The following MAP2 variants were observed in gnomAD, a reference collection of about 807,000 sequenced individuals.
MAP2 encodes microtubule-associated protein 2.
A neutral mutation model predicts 137.6 loss-of-function variants in MAP2; 14 were observed. That is an observed-to-expected ratio of 0.10 (90% CI 0.07 to 0.16). MAP2 has a LOEUF of 0.16. Among genes scored for constraint, MAP2 ranks in the 10% least tolerant of loss-of-function variants. The probability of loss-of-function intolerance (pLI) is 1.00; values close to 1 mark genes in which losing one functional copy is unlikely to be tolerated. For missense variants in MAP2, 2,088 were observed against 2,191.5 expected (o/e 0.95, Z 0.94); for synonymous variants, 786 against 782.3 (o/e 1.00, Z -0.08).
intron 3 of MAP2, among the ~76,000 whole-genome samples, chr2:209,593,689 A>G (rs2080136272): frequency 2.1e-5 from 2 of 95,550 alleles, no homozygotes; most frequent in African/African-American, 8.1e-5. Flanking sequence ...TATAAAAAAT[A>G]ATATATATTA....
intron 1 of MAP2, among the ~76,000 whole-genome samples, chr2:209,448,573 G>A (rs1699622539): frequency 6.6e-6 from 1 of 152,100 alleles, no homozygotes; most frequent in South Asian, 2.1e-4. Context: ...TAAGGTATTG[G>A]CAGGATGGTG....
At chr2:209,592,712 G>C (rs575774124) in intron 3 of MAP2, among the ~76,000 whole-genome samples, 7 of 152,174 alleles carry the variant, frequency 4.6e-5, no homozygotes, top group Non-Finnish European at 1.0e-4. Flanking sequence ...GTAGGCTTTA[G>C]GAATTTTGTG....
intron 2 of MAP2, among the ~76,000 whole-genome samples, chr2:209,521,689 C>T (rs2063310588): frequency 6.6e-6 from 1 of 152,000 alleles, no homozygotes; most frequent in South Asian, 2.1e-4. Context: ...TCAAAGATAA[C>T]ATCAAAAGCA....
Position 209,507,525 on chromosome 2 carries a change from A to T in MAP2, c.-221-67A>T, listed in dbSNP as rs1396332758. ...CACTTCTGATTTTATCTTCCTCCTT[A>T]GTGAAAGAAAAAGCCAGATTGTTCA... On this transcript the variant is annotated intron_variant, in intron 1 of 15. Coordinates refer to ENST00000682079, the MANE Select transcript of MAP2 (RefSeq NM_001375505.1). The T allele has an allele frequency of 2.0e-5, 3 of 152,118 alleles. No homozygotes were observed. The South Asian group carries it at 6.2e-4, about 31-fold the overall frequency. The allele number at this position is 152,118 out of a possible 1,614,324, so 9.4% of individuals were successfully genotyped here.
In MAP2 at chr2:209,435,179, A is replaced by G. The variant is rs1482721305; in HGVS notation, c.-222+10903A>G. Among the ~76,000 whole-genome samples the G allele has an allele frequency of 2.6e-5, 4 of 151,434 alleles. No homozygotes were observed. In the Admixed American group the frequency reaches 2.6e-4, roughly 10 times the overall value. ...GCTTGTGCTATAGAATATCAAATAT[A>G]CAGCATATTGTTCTCCTCTAGTTGA... On this transcript the variant is annotated intron_variant, in intron 1 of 15. Coordinates refer to ENST00000682079, the MANE Select transcript of MAP2 (RefSeq NM_001375505.1).
At chr2:209,631,184 T>G (rs1213259008) in intron 4 of MAP2, among the ~76,000 whole-genome samples, 1 of 152,044 alleles carries the variant, frequency 6.6e-6, no homozygotes, top group Non-Finnish European at 1.5e-5. Flanking sequence ...ATAAAACTGC[T>G]TATAAGATGC....
intron 4 of MAP2, among the ~76,000 whole-genome samples, chr2:209,649,831 T>C (rs1279239283): frequency 1.3e-5 from 2 of 152,212 alleles, no homozygotes; most frequent in Non-Finnish European, 2.9e-5. Flanking sequence ...TCGTTTTGAT[T>C]TGTTTGTGAT....
At chr2:209,489,866 A>G (rs2058854254) in intron 1 of MAP2, among the ~76,000 whole-genome samples, 1 of 152,192 alleles carries the variant, frequency 6.6e-6, no homozygotes, top group Non-Finnish European at 1.5e-5. Flanking sequence ...TGGAAAACAC[A>G]CTTCAGTATA....
rs760795168 is a variant in MAP2, at chr2:209,693,450, C to T, written c.1280C>T (p.Thr427Ile). 21 of 1,613,968 alleles carry T rather than the reference C, an allele frequency of 1.3e-5. No homozygotes were observed. Among genetic ancestry groups the T allele is most frequent in the Middle Eastern group, 3.3e-4 (2 of 6,062 alleles). ...QETVQQRDTF[T>I]PSGQEPILTE... ...ACTGTGCAGCAAAGGGATACTTTCA[C>T]CCCCAGTGGACAGGAACCTATACTT... Residue 427 changes from threonine (T) to isoleucine (I), a missense_variant, in exon 8 of 16, where the codon ACC becomes ATC. By Grantham distance (89) the Thr-to-Ile change is moderately conservative. Around this residue, in one of 6 missense-constraint regions of MAP2, gnomAD observed 859 missense variants for 794.5 expected, o/e 1.08. Coordinates refer to ENST00000682079, the MANE Select transcript of MAP2 (RefSeq NM_001375505.1).
chr2:209,516,382 G>A (rs2062504988), intron 2 of MAP2, among the ~76,000 whole-genome samples: 2 of 151,956 alleles, frequency 1.3e-5, no homozygotes, highest in African/African-American at 4.8e-5. Context: ...TTAGTGTTCT[G>A]TCAGAAGTAG....
Position 209,695,433 on chromosome 2 carries a change from C to A in MAP2, c.3263C>A (p.Ala1088Glu). The A allele has an allele frequency of 6.2e-7, 1 of 1,613,466 alleles. No homozygotes were observed. Among genetic ancestry groups the A allele is most frequent in the Non-Finnish European group, 8.5e-7 (1 of 1,179,758 alleles). ...CCCTCATCCAAAGCACCGCAGGAGG[C>A]AGATGCATTTATGGGTGTTGAGTCT... ...MTPSSKAPQE[A>E]DAFMGVESGH... The change falls in exon 8 of 16, where the codon GCA (alanine) becomes GAA (glutamate). Residue 1088 changes from alanine to glutamate, a missense_variant. By Grantham distance (107) the Ala-to-Glu change is moderately radical (BLOSUM62 -1). Around this residue, in one of 6 missense-constraint regions of MAP2, gnomAD observed 500 missense variants for 482.9 expected, o/e 1.04. Coordinates refer to ENST00000682079, the MANE Select transcript of MAP2 (RefSeq NM_001375505.1).
intron 3 of MAP2, among the ~76,000 whole-genome samples, chr2:209,591,565 G>C (rs1172635204): frequency 6.6e-6 from 1 of 152,158 alleles, no homozygotes; most frequent in East Asian, 1.9e-4. Flanking sequence ...TTAAGTTAAA[G>C]TAACACCTAC....
intron 5 of MAP2, among the ~76,000 whole-genome samples, chr2:209,659,671 T>C (rs2042486257): frequency 6.6e-6 from 1 of 152,074 alleles, no homozygotes; most frequent in South Asian, 2.1e-4. Flanking sequence ...ATTTTTAAAG[T>C]ATTTAAAATC....
chr2:209,618,823 C>A (rs1196421215), intron 3 of MAP2, among the ~76,000 whole-genome samples: 1 of 152,134 alleles, frequency 6.6e-6, no homozygotes, highest in Non-Finnish European at 1.5e-5. Context: ...AAAGAGATAT[C>A]TACACTCCTA....
intron 4 of MAP2, among the ~76,000 whole-genome samples, chr2:209,630,344 A>G (rs769834555): frequency 5.3e-5 from 8 of 152,124 alleles, no homozygotes; most frequent in Non-Finnish European, 1.0e-4. Context: ...GACTATAGAT[A>G]ACTCTTTACG....
chr2:209,528,777 CATATGTATGTATATATGTACA>C (rs1215145898), intron 2 of MAP2, among the ~76,000 whole-genome samples: 3 of 144,808 alleles, frequency 2.1e-5, no homozygotes, highest in Non-Finnish European at 3.0e-5. Context: ...TGTATATGTA[CATATGTATGTATATATGTACA>C]TGTACATATG....
At chr2:209,524,823 A>G (rs1327210519) in intron 2 of MAP2, among the ~76,000 whole-genome samples, 2 of 152,134 alleles carry the variant, frequency 1.3e-5, no homozygotes, top group Non-Finnish European at 2.9e-5. Context: ...AAAGGGTGTG[A>G]AAAAAGTTAA....
chr2:209,544,572 T>G (rs927550956), intron 2 of MAP2, among the ~76,000 whole-genome samples: 2 of 152,254 alleles, frequency 1.3e-5, no homozygotes. Context: ...GGATGTAACC[T>G]TGAGCAAGTC....
chr2:209,451,052 C>T (rs1283813478), intron 1 of MAP2, among the ~76,000 whole-genome samples: 1 of 152,082 alleles, frequency 6.6e-6, no homozygotes, highest in Non-Finnish European at 1.5e-5. Context: ...ACAATATCTG[C>T]TGGCCTGGTA....
Sources: gnomAD v4.1 joint callset for allele counts (sites outside exome capture counted in the v4.1 genomes callset) on GRCh38, gnomAD v4.1.1 for gene constraint, gnomAD v4.1.1 regional missense constraint, MANE v1.5 for transcripts, NCBI Gene and HGNC (gene_info 2026-07-23, HGNC 2026-07-21) for gene names.